MGAT5: variants seen among roughly 807,000 people sequenced by gnomAD.
MGAT5 encodes the protein alpha-1,6-mannosylglycoprotein 6-beta-N-acetylglucosaminyltransferase.
A neutral mutation model predicts 94.3 loss-of-function variants in MGAT5; 30 were observed. That is an observed-to-expected ratio of 0.32 (90% CI 0.24 to 0.43). MGAT5 has a LOEUF of 0.43. Ranked by LOEUF, MGAT5 falls within the 20% of genes least tolerant of loss-of-function variation. The pLI is 1.00. For missense variants in MGAT5, 691 were observed against 905.5 expected (o/e 0.76, Z 3.04); for synonymous variants, 310 against 322.9 (o/e 0.96, Z 0.43).
In MGAT5 at chr2:134,270,500, C is replaced by T. The variant is rs1299887673; in HGVS notation, c.356C>T (p.Ser119Phe). Residue 119 changes from serine to phenylalanine, a missense_variant, in exon 2 of 16, where the codon TCC becomes TTC. Physicochemically the swap from Ser to Phe is radical, Grantham distance 155 (BLOSUM62 -2). This residue lies in a region of MGAT5 where 307 missense variants were observed against 335.4 expected (regional missense o/e 0.92). Transcript: ENST00000281923. ...VNGTGTNSTN[S>F]TTAVPSLVAL... is the part of the protein sequence containing the mutation. ...GGCACCGGAACAAACTCAACCAACT[C>T]CACTACAGCTGTTCCCAGCTTGGTT... 6.2e-7 allele frequency: 1 copy of T among 1,614,182 alleles called. No homozygotes were observed. The highest frequency in any genetic ancestry group is 1.7e-5 in the Admixed American group (1 of 60,026).
In MGAT5 at chr2:134,134,204, G is replaced by A. The variant is rs780221535; in HGVS notation, c.-143+13913G>A. On this transcript the variant is annotated intron_variant, in intron 1 of 16. Transcript: ENST00000409645. Reference sequence around the variant, plus strand: ...TGTGGGGATGGTTTCACTCCTAAGCGTTTTTGATGTTAGCTGCTGCCCTTT... The same window carrying A: ...TGTGGGGATGGTTTCACTCCTAAGCATTTTTGATGTTAGCTGCTGCCCTTT... Among the ~76,000 whole-genome samples the A allele has an allele frequency of 6.6e-5, 10 of 152,226 alleles. No homozygotes were observed. The East Asian group carries it at 7.7e-4, about 12-fold the overall frequency.
chr2:134,227,689 G>C (rs1056368911), intron 1 of MGAT5, among the ~76,000 whole-genome samples: 1 of 152,104 alleles, frequency 6.6e-6, no homozygotes, highest in Non-Finnish European at 1.5e-5. Context: ...AGAAGGGAAG[G>C]CTCTTGGTTT....
At chr2:134,161,808 A>G (rs1266478530) in intron 1 of MGAT5, among the ~76,000 whole-genome samples, 1 of 151,836 alleles carries the variant, frequency 6.6e-6, no homozygotes, top group Non-Finnish European at 1.5e-5. Flanking sequence ...GTACCAGTGT[A>G]TTTTTCTTTC....
intron 10 of MGAT5, among the ~76,000 whole-genome samples, chr2:134,384,845 G>T (rs1362657271): frequency 6.6e-6 from 1 of 152,110 alleles, no homozygotes; most frequent in East Asian, 1.9e-4. Flanking sequence ...AAGCTAAAAA[G>T]CAAATACTAT....
chr2:134,247,149 G>A (rs1305073145), intron 1 of MGAT5, among the ~76,000 whole-genome samples: 1 of 152,272 alleles, frequency 6.6e-6, no homozygotes, highest in East Asian at 1.9e-4. Flanking sequence ...TGCTTTTAAT[G>A]TAAATTGAGA....
At chr2:134,239,328 T>G (rs368509410) in intron 1 of MGAT5, among the ~76,000 whole-genome samples, 1 of 93,416 alleles carries the variant, frequency 1.1e-5, no homozygotes, top group Non-Finnish European at 3.3e-5. Flanking sequence ...TATCTTGGGG[T>G]TTCCCCCTCA....
chr2:134,202,489 T>C (rs1679834805), intron 1 of MGAT5, among the ~76,000 whole-genome samples: 1 of 152,182 alleles, frequency 6.6e-6, no homozygotes, highest in Non-Finnish European at 1.5e-5. Context: ...GAGCAGTAAA[T>C]TTCTGTTGTT....
intron 1 of MGAT5, among the ~76,000 whole-genome samples, chr2:134,126,266 C>T (rs560880309): frequency 1.3e-5 from 2 of 152,312 alleles, no homozygotes; most frequent in African/African-American, 2.4e-5. Context: ...GGTCAATGCA[C>T]ACCCAGAAGA....
intron 7 of MGAT5, among the ~76,000 whole-genome samples, chr2:134,342,457 C>T (rs66587353): frequency 0.036 from 5,550 of 152,200 alleles, 153 homozygotes; most frequent in South Asian, 0.13. Context: ...CATTCTAGAG[C>T]TCATTGAGAT....
chr2:134,137,312 A>G (rs1415097310), intron 1 of MGAT5, among the ~76,000 whole-genome samples: 1 of 152,206 alleles, frequency 6.6e-6, no homozygotes, highest in African/African-American at 2.4e-5. Flanking sequence ...GGAGGTAGTC[A>G]GCGCCATAGG....
chr2:134,159,291 G>C (rs183274796), intron 1 of MGAT5, among the ~76,000 whole-genome samples: 1 of 149,170 alleles, frequency 6.7e-6, no homozygotes, highest in African/African-American at 2.5e-5. Flanking sequence ...TTCCCTTCTC[G>C]CTTCCCTTCC....
intron 2 of MGAT5, among the ~76,000 whole-genome samples, chr2:134,285,596 CTG>C (rs1684954460): frequency 6.6e-6 from 1 of 152,154 alleles, no homozygotes; most frequent in South Asian, 2.1e-4. Context: ...TAGTATAAGA[CTG>C]TAACCAGTCT....
upstream of MGAT5, chr2:134,120,134 TCGGCGGCGGCCCTGCGGCTCCCG>T (rs1332102121): frequency 2.2e-4 from 34 of 153,340 alleles, 1 homozygote; most frequent in South Asian, 1.1e-3. Context: ...CGCGGCCCGC[TCGGCGGCGGCCCTGCGGCTCCCG>T]CGGCGGCGGC....
At chr2:134,412,469 CCTT>C (rs906175459) in intron 11 of MGAT5, among the ~76,000 whole-genome samples, 4 of 152,172 alleles carry the variant, frequency 2.6e-5, no homozygotes, top group African/African-American at 9.6e-5. Context: ...AATGAAGAAA[CCTT>C]CTGTGTAGTT....
intron 1 of MGAT5, among the ~76,000 whole-genome samples, chr2:134,162,374 A>G (rs1687777592): frequency 1.3e-5 from 2 of 152,302 alleles, no homozygotes; most frequent in Middle Eastern, 3.4e-3. Flanking sequence ...AGGAGATGGC[A>G]GTGAGGCAAG....
intron 15 of MGAT5, among the ~76,000 whole-genome samples, chr2:134,446,194 C>T (rs1041539388): frequency 4.6e-5 from 7 of 152,090 alleles, no homozygotes; most frequent in Non-Finnish European, 1.0e-4. Context: ...GCTTCTGCTG[C>T]TGCAGCCTTA....
chr2:134,320,261 G>C (rs924511308), intron 4 of MGAT5, among the ~76,000 whole-genome samples: 1 of 152,150 alleles, frequency 6.6e-6, no homozygotes, highest in Non-Finnish European at 1.5e-5. Context: ...GATGCGTAAG[G>C]CTAGGTTTGG....
At chr2:134,169,407 C>T (rs143651977) in intron 1 of MGAT5, among the ~76,000 whole-genome samples, 1 of 123,124 alleles carries the variant, frequency 8.1e-6, no homozygotes. Flanking sequence ...CACACACACA[C>T]ACACAGACAC....
intron 1 of MGAT5, among the ~76,000 whole-genome samples, chr2:134,162,884 A>T (rs1359585696): frequency 6.6e-6 from 1 of 152,212 alleles, no homozygotes; most frequent in East Asian, 1.9e-4. Flanking sequence ...GTGCCTTGCA[A>T]ACTGTGTATT....
Sources: gnomAD v4.1 joint callset for allele counts (sites outside exome capture counted in the v4.1 genomes callset) on GRCh38, gnomAD v4.1.1 for gene constraint, gnomAD v4.1.1 regional missense constraint, MANE v1.5 for transcripts, NCBI Gene and HGNC (gene_info 2026-07-23, HGNC 2026-07-21) for gene names.